Variants in HTT observed in about 807,000 individuals in gnomAD.
HTT encodes huntingtin.
A neutral mutation model predicts 362.3 loss-of-function variants in HTT; 104 were observed. The observed-to-expected ratio is 0.29, with a 90% CI of 0.24 to 0.34. The LOEUF (loss-of-function observed/expected upper bound fraction) is 0.34, where lower values mean the gene tolerates loss of function less well. Among genes scored for constraint, HTT ranks in the 10% least tolerant of loss-of-function variants. The probability of loss-of-function intolerance (pLI) is 1.00; values close to 1 mark genes in which losing one functional copy is unlikely to be tolerated. For missense variants in HTT, 3,301 were observed against 3,928.6 expected (o/e 0.84, Z 4.27); for synonymous variants, 1,577 against 1,548.7 (o/e 1.02, Z -0.43).
intron 18 of HTT, among the ~76,000 whole-genome samples, chr4:3,133,774 T>C (rs900516449): frequency 6.6e-6 from 1 of 152,108 alleles, no homozygotes. Flanking sequence ...GTGGGATAAC[T>C]CCCCCTTTTA....
chr4:3,084,350 C>T (rs1020768198), intron 1 of HTT, among the ~76,000 whole-genome samples: 1 of 151,768 alleles, frequency 6.6e-6, no homozygotes, highest in African/African-American at 2.4e-5. Context: ...TGAAACAAAC[C>T]AGAGGTAATG....
chr4:3,182,527 G>A, intron 37 of HTT, 57 bp downstream of exon 37: 1 of 1,088,564 alleles, frequency 9.2e-7, no homozygotes, highest in Non-Finnish European at 1.4e-6. Flanking sequence ...TAAGGTCCTT[G>A]TGAAAGGTGG....
At chr4:3,170,165 A>G (rs1325027747) in intron 29 of HTT, among the ~76,000 whole-genome samples, 1 of 151,894 alleles carries the variant, frequency 6.6e-6, no homozygotes, top group Non-Finnish European at 1.5e-5. Context: ...GATGCTATAT[A>G]TTTTTGTGTT....
chr4:3,216,066 G>A (rs187453249), intron 51 of HTT, among the ~76,000 whole-genome samples: 2 of 152,330 alleles, frequency 1.3e-5, no homozygotes, highest in African/African-American at 4.8e-5. Flanking sequence ...CAGGAAACAC[G>A]CCTTTTCAAT....
chr4:3,227,990 G>A (rs1337620749), intron 57 of HTT, among the ~76,000 whole-genome samples: 1 of 152,224 alleles, frequency 6.6e-6, no homozygotes, highest in Admixed American at 6.5e-5. Context: ...ACTCCCTGCA[G>A]GGTGCTGGGT....
At chr4:3,236,324 G>A in intron 64 of HTT, 70 bp downstream of exon 64, 1 of 1,051,440 alleles carries the variant, frequency 9.5e-7, no homozygotes, top group African/African-American at 1.6e-5. Flanking sequence ...GTGCTTTTGT[G>A]TGTGTCTGCT....
chr4:3,202,344 A>C (rs1031371646), intron 41 of HTT, among the ~76,000 whole-genome samples: 4 of 152,154 alleles, frequency 2.6e-5, no homozygotes, highest in Admixed American at 1.3e-4. Context: ...CTTTATGTCT[A>C]CTGCTCATAT....
At chr4:3,231,527 A>G (rs1304389561) in intron 60 of HTT, among the ~76,000 whole-genome samples, 1 of 151,276 alleles carries the variant, frequency 6.6e-6, no homozygotes. Context: ...CTGGAGCCTG[A>G]CTCCCTCTCT....
chr4:3,126,758 G>A (rs2110183455), intron 11 of HTT, among the ~76,000 whole-genome samples: 1 of 152,208 alleles, frequency 6.6e-6, no homozygotes, highest in African/African-American at 2.4e-5. Flanking sequence ...AAGTCAACTA[G>A]GAAAATGTGT....
chr4:3,214,793 G>A (rs362328), intron 50 of HTT, among the ~76,000 whole-genome samples: 1 of 149,602 alleles, frequency 6.7e-6, no homozygotes, highest in Non-Finnish European at 1.5e-5. Context: ...CTTCTTGGAG[G>A]TTATAGTGAT....
chr4:3,138,795 T>C (rs1270798403), intron 21 of HTT, among the ~76,000 whole-genome samples: 1 of 152,066 alleles, frequency 6.6e-6, no homozygotes, highest in East Asian at 1.9e-4. Context: ...TATTTTTTGG[T>C]AGAGATGGGG....
At chr4:3,177,452 A>G (rs1718292164) in intron 34 of HTT, 65 bp downstream of exon 34, 4 of 1,080,514 alleles carry the variant, frequency 3.7e-6, no homozygotes, top group African/African-American at 3.2e-5. Flanking sequence ...AATTTAGGTT[A>G]TTAAGTGAAT....
At chr4:3,119,375 A>G (rs1715184703) in intron 8 of HTT, among the ~76,000 whole-genome samples, 1 of 152,248 alleles carries the variant, frequency 6.6e-6, no homozygotes, top group East Asian at 1.9e-4. Flanking sequence ...AGCAAGTAAT[A>G]GATTAGAGTA....
In HTT at chr4:3,239,956, G is replaced by A. The variant is rs374376603; in HGVS notation, c.9326G>A (p.Arg3109His). Residue 3109 changes from arginine to histidine, a missense_variant, in exon 67 of 67, where the codon CGC becomes CAC. Coordinates refer to ENST00000355072, the MANE Select transcript of HTT (RefSeq NM_001388492.1). The part of the protein sequence containing the change: ...YRHQIEEELD[R>H]RAFQSVLEVV... The stretch of plus-strand genomic sequence containing the variant: ...CACCAGATAGAGGAGGAGCTCGACC[G>A]CAGGGCCTTCCAGTCTGTGCTTGAG... 1.4e-5 allele frequency: 22 copies of A among 1,592,248 alleles called. No individual in the cohort carries two copies. Among genetic ancestry groups the A allele is most frequent in the East Asian group, 2.3e-5 (1 of 44,316 alleles).
intron 4 of HTT, among the ~76,000 whole-genome samples, chr4:3,104,948 A>G (rs1714350253): frequency 6.6e-6 from 1 of 152,118 alleles, no homozygotes; most frequent in African/African-American, 2.4e-5. Context: ...ATTATCGACT[A>G]TATATTATTG....
At chr4:3,077,887 A>C (rs2110132637) in intron 1 of HTT, among the ~76,000 whole-genome samples, 1 of 152,330 alleles carries the variant, frequency 6.6e-6, no homozygotes, top group South Asian at 2.1e-4. Context: ...CTGCTCACAA[A>C]GTTTGGATTT....
intron 28 of HTT, among the ~76,000 whole-genome samples, chr4:3,158,118 G>A (rs1341072455): frequency 6.6e-6 from 1 of 151,880 alleles, no homozygotes; most frequent in Non-Finnish European, 1.5e-5. Flanking sequence ...TGAGTACCTG[G>A]GACTACCGGC....
In HTT at chr4:3,116,266, A is replaced by G. The variant is rs1469351920; in HGVS notation, c.1068+3A>G. ...CTTCTGCAGAGCAGCTTGTCCAGGT[A>G]GGAGCACAGGGTTTACTCTAGGCCC... On this transcript the variant is annotated splice_donor_region_variant and intron_variant, in intron 8 of 66. Coordinates refer to ENST00000355072, the MANE Select transcript of HTT (RefSeq NM_001388492.1). 1.9e-6 allele frequency: 3 copies of G among 1,607,026 alleles called. No individual in the cohort carries two copies. The highest frequency in any genetic ancestry group is 8.5e-7 in the Non-Finnish European group (1 of 1,173,914).
intron 53 of HTT, among the ~76,000 whole-genome samples, chr4:3,220,995 G>C (rs1720647757): frequency 6.6e-6 from 1 of 152,172 alleles, no homozygotes; most frequent in South Asian, 2.1e-4. Flanking sequence ...AAATGAATAA[G>C]TCACCACTTT....
Sources: allele counts gnomAD v4.1 joint callset (sites outside exome capture counted in the v4.1 genomes callset), GRCh38; gene constraint gnomAD v4.1.1; transcripts MANE v1.5; gene names NCBI Gene and HGNC (gene_info 2026-07-23, HGNC 2026-07-21).